The following KLHL29 variants were observed in gnomAD, a reference collection of about 807,000 sequenced individuals.
KLHL29 encodes the protein kelch-like protein 29.
Under a neutral mutation model 80.4 loss-of-function variants are expected in KLHL29, and 21 were observed. The ratio of observed to expected loss-of-function variants is 0.26; its 90% CI spans 0.19 to 0.38. The LOEUF is 0.38. Ranked by LOEUF, KLHL29 falls within the 10% of genes least tolerant of loss-of-function variation. KLHL29 has a pLI of 1.00. For synonymous variants in KLHL29, 511 were observed against 526.8 expected, an observed-to-expected ratio of 0.97 and a Z score of 0.41; for missense variants, 867 against 1,223.9, an observed-to-expected ratio of 0.71 and a Z score of 4.35.
At chr2:23,479,549 T>C (rs1198819202) in intron 2 of KLHL29, among the ~76,000 whole-genome samples, 3 of 151,996 alleles carry the variant, frequency 2.0e-5, no homozygotes, top group South Asian at 4.2e-4. Context: ...TCCCCAGCCC[T>C]CCCTCCACTC....
chr2:23,387,300 G>T (rs1387762148), intron 1 of KLHL29, among the ~76,000 whole-genome samples: 1 of 152,186 alleles, frequency 6.6e-6, no homozygotes, highest in Non-Finnish European at 1.5e-5. Context: ...GCTGGGATTC[G>T]GACTCCTCTT....
intron 3 of KLHL29, among the ~76,000 whole-genome samples, chr2:23,579,765 C>T (rs1455306886): frequency 6.6e-6 from 1 of 152,162 alleles, no homozygotes; most frequent in East Asian, 1.9e-4. Context: ...AGACCCTTGG[C>T]GATCCCACCT....
chr2:23,667,559 A>AAGTGCC (rs1260135729), intron 5 of KLHL29: 1 of 152,694 alleles, frequency 6.5e-6, no homozygotes, highest in Non-Finnish European at 1.5e-5. Context: ...GAGGACTGTG[A>AAGTGCC]AGTGCCAGTG....
intron 1 of KLHL29, among the ~76,000 whole-genome samples, chr2:23,419,434 C>T (rs992372594): frequency 1.3e-5 from 2 of 152,098 alleles, no homozygotes; most frequent in Non-Finnish European, 2.9e-5. Context: ...CTGTGGCCCG[C>T]GCTGTCGGTG....
intron 1 of KLHL29, among the ~76,000 whole-genome samples, chr2:23,424,273 T>C (rs1333878088): frequency 3.9e-5 from 6 of 152,204 alleles, no homozygotes; most frequent in Admixed American, 3.9e-4. Context: ...AGCCTCTGAG[T>C]GTGCACGTGT....
chr2:23,564,800 C>T (rs752537658), intron 3 of KLHL29, among the ~76,000 whole-genome samples: 43 of 152,228 alleles, frequency 2.8e-4, no homozygotes, highest in Non-Finnish European at 4.9e-4. Flanking sequence ...GGGGAGCTCA[C>T]GGCTCCTTGT....
At chr2:23,406,295 T>TG (rs1395175868) in intron 1 of KLHL29, among the ~76,000 whole-genome samples, 4 of 127,768 alleles carry the variant, frequency 3.1e-5, no homozygotes, top group Non-Finnish European at 4.6e-5. Context: ...ACCACTGCAC[T>TG]CCAGCCTGGG....
rs181556082 is a variant in KLHL29, at chr2:23,582,128, C to T, written c.285+19647C>T. On this transcript the variant is annotated intron_variant, in intron 3 of 13. Coordinates refer to ENST00000486442, the MANE Select transcript of KLHL29 (RefSeq NM_052920.2). ...GCCTCACGCCTCCAGTGACTCCCAG[C>T]GCCAATAGTTTTCTCATCAGGGCAG... 1.2e-3 allele frequency among the ~76,000 whole-genome samples: 183 copies of T among 149,312 alleles called. 1 individual carries two copies. Among genetic ancestry groups the T allele is most frequent in the African/African-American group, 4.6e-3 (180 of 38,758 alleles).
intron 1 of KLHL29, among the ~76,000 whole-genome samples, chr2:23,464,354 C>T (rs1664292849): frequency 6.6e-6 from 1 of 152,168 alleles, no homozygotes. Flanking sequence ...AATTAATTCC[C>T]CGCCAGCAGC....
chr2:23,388,472 TTGAG>T (rs895325293), intron 1 of KLHL29, among the ~76,000 whole-genome samples: 2 of 152,208 alleles, frequency 1.3e-5, no homozygotes, highest in African/African-American at 4.8e-5. Context: ...TTGGTGTGGA[TTGAG>T]TGTCACCGTT....
Position 23,654,378 on chromosome 2 carries a change from C to G in KLHL29, c.940+11528C>G, listed in dbSNP as rs184941944. Among the ~76,000 whole-genome samples the G allele has an allele frequency of 7.9e-5, 12 of 152,246 alleles. No individual in the cohort carries two copies. The East Asian group carries it at 2.3e-3, about 29-fold the overall frequency. ...CACACGCCCCTCAGTTTAGGAATTG[C>G]CATGGTGATTCTGAAGGCTCCTAAT... On this transcript the variant is annotated intron_variant, in intron 5 of 13. Coordinates refer to ENST00000486442, the MANE Select transcript of KLHL29 (RefSeq NM_052920.2).
chr2:23,430,576 C>T (rs1663143381), intron 1 of KLHL29, among the ~76,000 whole-genome samples: 2 of 152,198 alleles, frequency 1.3e-5, no homozygotes, highest in South Asian at 4.1e-4. Context: ...GGGACAGGTG[C>T]CTGAGATCAT....
chr2:23,555,442 C>G (rs542344705), intron 2 of KLHL29, among the ~76,000 whole-genome samples: 14 of 152,294 alleles, frequency 9.2e-5, no homozygotes, highest in African/African-American at 2.4e-4. Context: ...AGAAGGAGCC[C>G]CTGGGGACAG....
chr2:23,563,756 A>G (rs900807962), intron 3 of KLHL29, among the ~76,000 whole-genome samples: 2 of 152,212 alleles, frequency 1.3e-5, no homozygotes, highest in Non-Finnish European at 2.9e-5. Context: ...CAATGGAGCT[A>G]TTGGAGGCTG....
chr2:23,388,302 G>A (rs937186957), intron 1 of KLHL29, among the ~76,000 whole-genome samples: 6 of 152,128 alleles, frequency 3.9e-5, no homozygotes, highest in African/African-American at 1.4e-4. Flanking sequence ...CTCATATCTA[G>A]GAACAAAATG....
chr2:23,601,747 G>A (rs1322664750), intron 3 of KLHL29, among the ~76,000 whole-genome samples: 1 of 152,176 alleles, frequency 6.6e-6, no homozygotes, highest in Non-Finnish European at 1.5e-5. Context: ...AGGTTGGTAG[G>A]TTCCCAGGCT....
intron 1 of KLHL29, among the ~76,000 whole-genome samples, chr2:23,456,491 G>T (rs1664054445): frequency 6.6e-6 from 1 of 152,210 alleles, no homozygotes; most frequent in African/African-American, 2.4e-5. Flanking sequence ...CTTTTCCGTG[G>T]ATCTTCACAA....
intron 3 of KLHL29, among the ~76,000 whole-genome samples, chr2:23,581,554 A>C (rs1367201818): frequency 6.6e-6 from 1 of 152,108 alleles, no homozygotes; most frequent in African/African-American, 2.4e-5. Flanking sequence ...GGCTGGAGGC[A>C]GTGGCTCACG....
chr2:23,441,426 A>G (rs1663518206), intron 1 of KLHL29, among the ~76,000 whole-genome samples: 1 of 152,064 alleles, frequency 6.6e-6, no homozygotes, highest in African/African-American at 2.4e-5. Context: ...ACATGTATAC[A>G]TATGTAACTA....
Sources: allele counts gnomAD v4.1 joint callset (sites outside exome capture counted in the v4.1 genomes callset), GRCh38; gene constraint gnomAD v4.1.1; transcripts MANE v1.5; gene names NCBI Gene and HGNC (gene_info 2026-07-23, HGNC 2026-07-21).